The following NEDD1 variants were observed in gnomAD, a reference collection of about 807,000 sequenced individuals.
NEDD1 encodes the protein protein NEDD1.
Under a neutral mutation model 74.0 loss-of-function variants are expected in NEDD1, and 33 were observed. The observed-to-expected ratio is 0.45, with a 90% CI of 0.34 to 0.60. NEDD1 has a LOEUF of 0.60. Ranked by LOEUF, NEDD1 falls within the 20% of genes least tolerant of loss-of-function variation. The probability of loss-of-function intolerance (pLI) is 0.01; values close to 1 mark genes in which losing one functional copy is unlikely to be tolerated. For synonymous variants in NEDD1, 250 were observed against 264.4 expected (o/e 0.95, Z 0.53); for missense variants, 746 against 776.5 (o/e 0.96, Z 0.47).
intron 4 of NEDD1, among the ~76,000 whole-genome samples, chr12:96,916,476 A>G (rs924475821): frequency 1.5e-4 from 19 of 124,300 alleles, no homozygotes; most frequent in East Asian, 1.2e-3. Flanking sequence ...TCATTGTTCA[A>G]TTCCCACCTA....
At chr12:96,929,717 A>G (rs1376696716) in intron 6 of NEDD1, among the ~76,000 whole-genome samples, 1 of 150,764 alleles carries the variant, frequency 6.6e-6, no homozygotes, top group Admixed American at 6.6e-5. Flanking sequence ...CATCCTGTTC[A>G]GGTTTGCTTC....
chr12:96,921,132 C>T (rs894952402), intron 6 of NEDD1, among the ~76,000 whole-genome samples: 2 of 152,110 alleles, frequency 1.3e-5, no homozygotes, highest in Non-Finnish European at 2.9e-5. Context: ...AAACTGGCCT[C>T]TTTGCCAATT....
Position 96,948,526 on chromosome 12 carries a change from C to T in NEDD1, c.1811+2677C>T, listed in dbSNP as rs1460087330. Among the ~76,000 whole-genome samples, 7 of 152,104 alleles carry T rather than the reference C, an allele frequency of 4.6e-5. No homozygotes were observed. In the East Asian group the frequency reaches 1.2e-3, roughly 25 times the overall value. On this transcript the variant is annotated intron_variant, in intron 14 of 15. Transcript: ENST00000266742. ...TAGATTTCTTTCCATTCTCAGCTCT[C>T]GGTTGAATTTAAAATAATATGATTT... is the stretch of plus-strand genomic sequence containing the variant.
At chr12:96,944,011 C>G (rs968077597) in intron 12 of NEDD1, among the ~76,000 whole-genome samples, 3 of 152,000 alleles carry the variant, frequency 2.0e-5, no homozygotes, top group African/African-American at 7.2e-5. Context: ...TGTGCAAGAA[C>G]AGTTTATCCC....
chr12:96,938,051 T>C (rs1047713018), intron 9 of NEDD1, among the ~76,000 whole-genome samples: 1 of 152,110 alleles, frequency 6.6e-6, no homozygotes, highest in Non-Finnish European at 1.5e-5. Context: ...TTCTGAAATA[T>C]TGTGCTTAGT....
At chr12:96,939,253 G>A (rs913789173) in intron 9 of NEDD1, among the ~76,000 whole-genome samples, 1 of 151,978 alleles carries the variant, frequency 6.6e-6, no homozygotes. Flanking sequence ...AAGAAGAAAA[G>A]AATAAGACTT....
Position 96,942,649 on chromosome 12 carries a change from C to T in NEDD1, c.1294+25C>T, listed in dbSNP as rs114664835. 2.2e-3 allele frequency: 2,780 copies of T among 1,267,628 alleles called. 41 individuals are homozygous for T. The African/African-American group carries it at 0.036, about 16-fold the overall frequency. The allele number at this position is 1,267,628 out of a possible 1,614,324, so 78.5% of individuals were successfully genotyped here. A position where few individuals can be genotyped will look rare whatever the true frequency, so the allele number is the denominator to read the frequency against. ...GGTAAGAACTACTTAGAAGTATTTT[C>T]GTGAAAATGAAAAGTGAATTGTATT... On this transcript the variant is annotated intron_variant, in intron 11 of 15. Coordinates refer to ENST00000266742, the MANE Select transcript of NEDD1 (RefSeq NM_152905.4).
intron 13 of NEDD1, 86 bp from the exon 14 acceptor site, chr12:96,945,607 T>C: frequency 2.5e-6 from 2 of 812,570 alleles, no homozygotes; most frequent in Non-Finnish European, 3.9e-6. Context: ...GTTTTTCAAG[T>C]TTGCACATGC....
At position 96,925,137 on chromosome 12, in the gene NEDD1, G is replaced by T. The variant is rs1434323751; in HGVS notation, c.489+5012G>T. Among the ~76,000 whole-genome samples, 8 of 152,178 alleles carry T rather than the reference G, an allele frequency of 5.3e-5. No homozygotes were observed. The East Asian group carries it at 1.5e-3, about 29-fold the overall frequency. On this transcript the variant is annotated intron_variant, in intron 6 of 15. Transcript: ENST00000266742. ...AGTGCTGTGAAAGCAATAAACTGCGGAGTTCCAAGGGAACCTAAAGGAGAG... is the reference window on the plus strand; with the variant it reads ...AGTGCTGTGAAAGCAATAAACTGCGTAGTTCCAAGGGAACCTAAAGGAGAG...
chr12:96,944,579 T>C, intron 12 of NEDD1, 60 bp from the exon 13 acceptor site: 3 of 1,042,288 alleles, frequency 2.9e-6, no homozygotes, highest in Non-Finnish European at 4.1e-6. Context: ...GCAAAAATTA[T>C]ATGGGTAATA....
chr12:96,916,795 A>G (rs1486366875), intron 4 of NEDD1, among the ~76,000 whole-genome samples: 1 of 152,102 alleles, frequency 6.6e-6, no homozygotes, highest in Non-Finnish European at 1.5e-5. Context: ...TTACATTTTT[A>G]AAGTCCACCC....
intron 6 of NEDD1, among the ~76,000 whole-genome samples, chr12:96,928,524 G>C (rs958016953): frequency 4.0e-5 from 6 of 151,726 alleles, no homozygotes; most frequent in Admixed American, 3.9e-4. Context: ...AATGTGTGAC[G>C]TGATTTCATA....
chr12:96,931,886 T>C (rs1437640971), intron 6 of NEDD1, among the ~76,000 whole-genome samples: 1 of 152,090 alleles, frequency 6.6e-6, no homozygotes, highest in Non-Finnish European at 1.5e-5. Flanking sequence ...TTATGGATGG[T>C]TTTTCTTCTT....
chr12:96,907,573 T>C (rs1416694747), intron 1 of NEDD1, 31 bp from the exon 2 acceptor site: 4 of 1,547,920 alleles, frequency 2.6e-6, no homozygotes, highest in Non-Finnish European at 2.6e-6. Context: ...GTCTCCTTTT[T>C]TGTCAACCTC....
At chr12:96,935,790 T>C (rs1338811903) in intron 7 of NEDD1, among the ~76,000 whole-genome samples, 1 of 152,170 alleles carries the variant, frequency 6.6e-6, no homozygotes, top group Non-Finnish European at 1.5e-5. Context: ...CTGTACCCTC[T>C]TCTTGTTAAA....
intron 6 of NEDD1, among the ~76,000 whole-genome samples, chr12:96,921,145 T>C (rs113654868): frequency 9.2e-5 from 14 of 152,310 alleles, no homozygotes; most frequent in African/African-American, 3.4e-4. Flanking sequence ...TGCCAATTAT[T>C]TGTTTCTAAC....
intron 10 of NEDD1, 62 bp from the exon 11 acceptor site, chr12:96,942,515 G>T (rs1035987865): frequency 3.7e-6 from 3 of 812,274 alleles, no homozygotes; most frequent in Non-Finnish European, 6.3e-6. Context: ...TGAATAAGAA[G>T]CCTAAATTGA....
At chr12:96,940,645 G>A (rs2136602065) in intron 10 of NEDD1, 108 bp downstream of exon 10, 1 of 694,234 alleles carries the variant, frequency 1.4e-6, no homozygotes, top group Non-Finnish European at 2.3e-6. Context: ...GGATCAGTTT[G>A]CTAATTTTCT....
chr12:96,947,409 G>C (rs1470314516), intron 14 of NEDD1, among the ~76,000 whole-genome samples: 2 of 152,142 alleles, frequency 1.3e-5, no homozygotes, highest in African/African-American at 4.8e-5. Flanking sequence ...CTTGAGCAGA[G>C]ACATGATCAT....
Sources: gnomAD v4.1 joint callset for allele counts (sites outside exome capture counted in the v4.1 genomes callset) on GRCh38, gnomAD v4.1.1 for gene constraint, MANE v1.5 for transcripts, NCBI Gene and HGNC (gene_info 2026-07-23, HGNC 2026-07-21) for gene names.